The following SCRN3 variants were observed in gnomAD, a reference collection of about 807,000 sequenced individuals.
The protein encoded by SCRN3 is secernin-3.
In SCRN3, 39 loss-of-function variants were observed where a neutral mutation model predicts 43.1. The observed-to-expected ratio is 0.91, with a 90% CI of 0.70 to 1.18. SCRN3 has a LOEUF of 1.18. SCRN3 is among the 50% of genes most tolerant of loss of function. The pLI, the probability that SCRN3 is intolerant of heterozygous loss-of-function variation, is 0.00. For synonymous variants in SCRN3, 147 were observed against 163.1 expected (o/e 0.90, Z 0.75); for missense variants, 484 against 498.0 (o/e 0.97, Z 0.27).
chr2:174,399,120 G>C (rs1685421567), intron 2 of SCRN3, among the ~76,000 whole-genome samples: 1 of 152,108 alleles, frequency 6.6e-6, no homozygotes, highest in African/African-American at 2.4e-5. Context: ...CTTAAAATGA[G>C]AGCTTCAAAT....
At chr2:174,395,932 C>T (rs1685289468) in intron 1 of SCRN3, 115 bp downstream of exon 1, 1 of 1,410,976 alleles carries the variant, frequency 7.1e-7, no homozygotes, top group Non-Finnish European at 9.2e-7. Flanking sequence ...GCACCGGCTG[C>T]GGTTTGAGCG....
chr2:174,419,336 T>A (rs1574667285), intron 5 of SCRN3, among the ~76,000 whole-genome samples: 1 of 152,354 alleles, frequency 6.6e-6, no homozygotes, highest in African/African-American at 2.4e-5. Context: ...ATTAAACATT[T>A]CCATATAAAG....
At chr2:174,414,921 G>T (rs548068259) in intron 5 of SCRN3, among the ~76,000 whole-genome samples, 3 of 151,782 alleles carry the variant, frequency 2.0e-5, no homozygotes, top group African/African-American at 4.8e-5. Flanking sequence ...CTGCCACCAC[G>T]CCTGGCTAAT....
chr2:174,395,944 C>T, intron 1 of SCRN3, 127 bp downstream of exon 1: 2 of 1,409,864 alleles, frequency 1.4e-6, no homozygotes, highest in Non-Finnish European at 1.8e-6. Flanking sequence ...GTTTGAGCGC[C>T]CAGGGCCGGG....
rs528611605 is a variant in SCRN3 at position 174,415,519 on chromosome 2, C to T, written c.755-7366C>T. Among the ~76,000 whole-genome samples the T allele has an allele frequency of 6.6e-5, 10 of 152,160 alleles. No homozygotes were observed. The South Asian group carries it at 2.1e-3, about 32-fold the overall frequency. ...TCCAATGTATTTTCTCCTTTTGCTT[C>T]CAAATAATTCCAGCAAAGTAAGCTT... On this transcript the variant is annotated intron_variant, in intron 5 of 7. Coordinates refer to ENST00000272732, the MANE Select transcript of SCRN3 (RefSeq NM_024583.5).
At chr2:174,413,527 C>A (rs1685998859) in intron 5 of SCRN3, among the ~76,000 whole-genome samples, 1 of 151,306 alleles carries the variant, frequency 6.6e-6, no homozygotes, top group Admixed American at 6.6e-5. Flanking sequence ...TGGGAATTCT[C>A]CTCTCTGACT....
intron 1 of SCRN3, chr2:174,397,073 CA>C (rs1685347273): frequency 2.0e-6 from 2 of 982,708 alleles, no homozygotes; most frequent in African/African-American, 3.5e-5. Context: ...AGATCCAGGA[CA>C]TAAGAGTTGA....
downstream of SCRN3, among the ~76,000 whole-genome samples, chr2:174,430,041 A>C (rs553162554): frequency 5.9e-5 from 9 of 152,316 alleles, no homozygotes; most frequent in African/African-American, 2.2e-4. Flanking sequence ...CAAGTTTTGA[A>C]AATTATGAAT....
intron 5 of SCRN3, among the ~76,000 whole-genome samples, chr2:174,408,621 G>A (rs879375410): frequency 0.27 from 36,739 of 136,478 alleles, 5,920 homozygotes; most frequent in African/African-American, 0.44. Flanking sequence ...CATGTTTAGC[G>A]CTTCCTTCAG....
At chr2:174,413,684 G>A (rs542975628) in intron 5 of SCRN3, among the ~76,000 whole-genome samples, 12 of 147,918 alleles carry the variant, frequency 8.1e-5, no homozygotes, top group Admixed American at 4.1e-4. Context: ...TCCTCCTCCC[G>A]GGTTCAAGCA....
chr2:174,404,003 T>C, intron 4 of SCRN3, 100 bp from the exon 5 acceptor site: 1 of 868,014 alleles, frequency 1.2e-6, no homozygotes, highest in Non-Finnish European at 1.8e-6. Context: ...GAAGTCTATA[T>C]TTATGTTTAC....
At chr2:174,413,963 C>G (rs1403249195) in intron 5 of SCRN3, among the ~76,000 whole-genome samples, 1 of 152,100 alleles carries the variant, frequency 6.6e-6, no homozygotes, top group African/African-American at 2.4e-5. Context: ...TTTTCTATTG[C>G]TGTCTGCATA....
chr2:174,426,631 G>C (rs938958971), intron 7 of SCRN3, among the ~76,000 whole-genome samples: 2 of 151,906 alleles, frequency 1.3e-5, no homozygotes, highest in African/African-American at 4.8e-5. Context: ...AATTAGCCAG[G>C]CTTGGTGGCG....
At chr2:174,410,768 G>A (rs189906431) in intron 5 of SCRN3, among the ~76,000 whole-genome samples, 1 of 152,144 alleles carries the variant, frequency 6.6e-6, no homozygotes, top group African/African-American at 2.4e-5. Context: ...AGCAGATATA[G>A]GAATTCCCTC....
rs1388358712 is a variant in SCRN3, at chr2:174,422,975, T to C, written c.845T>C (p.Met282Thr). ...GGAGAATTCCTGACCACTGCAAGCA[T>C]GGTTTCTATTTTACCTCAAGACTCC... The part of the protein sequence containing the change: ...MEGEFLTTAS[M>T]VSILPQDSSL... Residue 282 changes from methionine to threonine, a missense_variant, in exon 6 of 8, where the codon ATG (methionine) becomes ACG (threonine). Coordinates refer to ENST00000272732, the MANE Select transcript of SCRN3 (RefSeq NM_024583.5). The C allele has an allele frequency of 5.0e-6, 8 of 1,613,798 alleles. No homozygotes were observed. The highest frequency in any genetic ancestry group is 6.8e-6 in the Non-Finnish European group (8 of 1,179,730).
In SCRN3 at chr2:174,426,089, T is replaced by C. The variant is rs6753072; in HGVS notation, c.1092+1440T>C. 7.2e-3 allele frequency among the ~76,000 whole-genome samples: 1,102 copies of C among 152,318 alleles called. 8 individuals are homozygous for C. The highest frequency in any genetic ancestry group is 0.026 in the African/African-American group (1,063 of 41,580). On this transcript the variant is annotated intron_variant, in intron 7 of 7. Transcript: ENST00000272732. The stretch of plus-strand genomic sequence containing the variant: ...TTTATCCCAGTTTATTGTTTGACAT[T>C]TAGCTTTTTTGTCAGACAAAAATTT...
At chr2:174,411,164 T>C (rs1298460822) in intron 5 of SCRN3, among the ~76,000 whole-genome samples, 1 of 152,170 alleles carries the variant, frequency 6.6e-6, no homozygotes, top group African/African-American at 2.4e-5. Context: ...CTCAGCCACA[T>C]TTATTTTGTG....
chr2:174,420,890 A>G (rs1467347646), intron 5 of SCRN3, among the ~76,000 whole-genome samples: 1 of 152,206 alleles, frequency 6.6e-6, no homozygotes, highest in East Asian at 1.9e-4. Flanking sequence ...AAAATAGGGA[A>G]GGGCAAAAGC....
chr2:174,410,973 T>G (rs1685896788), intron 5 of SCRN3, among the ~76,000 whole-genome samples: 1 of 152,122 alleles, frequency 6.6e-6, no homozygotes, highest in Non-Finnish European at 1.5e-5. Flanking sequence ...AGTGTTAACA[T>G]CCATGAGAAT....
Sources: gnomAD v4.1 joint callset for allele counts (sites outside exome capture counted in the v4.1 genomes callset) on GRCh38, gnomAD v4.1.1 for gene constraint, MANE v1.5 for transcripts, NCBI Gene and HGNC (gene_info 2026-07-23, HGNC 2026-07-21) for gene names.